AGBL4: variants seen among roughly 807,000 people sequenced by gnomAD.
AGBL4 encodes the protein AGBL carboxypeptidase 4, also known as cytosolic carboxypeptidase 6.
AGBL4 carries 58 observed loss-of-function variants against 66.4 expected under a neutral mutation model. That is an observed-to-expected ratio of 0.87 (90% CI 0.71 to 1.09). The LOEUF (loss-of-function observed/expected upper bound fraction) is 1.09. Ranked by LOEUF, AGBL4 falls within the 50% of genes least tolerant of loss-of-function variation. The probability of loss-of-function intolerance (pLI) is 0.00; values close to 1 mark genes in which losing one functional copy is unlikely to be tolerated. For synonymous variants in AGBL4, 234 were observed against 222.9 expected, an observed-to-expected ratio of 1.05 and a Z score of -0.44; for missense variants, 579 against 631.0, an observed-to-expected ratio of 0.92 and a Z score of 0.88.
intron 3 of AGBL4, among the ~76,000 whole-genome samples, chr1:49,541,521 C>T (rs564725870): frequency 6.6e-6 from 1 of 152,218 alleles, no homozygotes; most frequent in Non-Finnish European, 1.5e-5. Context: ...GCAGTGCCGG[C>T]CTGCCGGTGC....
chr1:49,473,124 T>C (rs561729075), intron 3 of AGBL4, among the ~76,000 whole-genome samples: 1 of 152,092 alleles, frequency 6.6e-6, no homozygotes, highest in East Asian at 1.9e-4. Flanking sequence ...TGCAAATGCA[T>C]GTATTTTTTG....
chr1:50,012,011 T>C (rs951887991), intron 1 of AGBL4, among the ~76,000 whole-genome samples: 4 of 151,478 alleles, frequency 2.6e-5, no homozygotes, highest in Non-Finnish European at 5.9e-5. Context: ...TACAAAAAAT[T>C]AGCCGGGCGC....
At chr1:49,555,439 G>C (rs1381867858) in intron 3 of AGBL4, among the ~76,000 whole-genome samples, 1 of 150,588 alleles carries the variant, frequency 6.6e-6, no homozygotes, top group Non-Finnish European at 1.5e-5. Flanking sequence ...AGCACTGATT[G>C]GTGTGTTTAC....
intron 3 of AGBL4, among the ~76,000 whole-genome samples, chr1:49,282,348 A>C (rs975079094): frequency 6.6e-6 from 1 of 152,210 alleles, no homozygotes; most frequent in African/African-American, 2.4e-5. Flanking sequence ...ATTTCTCTTC[A>C]ATGAGGCTCT....
intron 6 of AGBL4, among the ~76,000 whole-genome samples, chr1:48,805,148 T>G (rs1171310779): frequency 1.3e-5 from 2 of 152,162 alleles, no homozygotes; most frequent in Non-Finnish European, 2.9e-5. Context: ...CTCAAAGTAC[T>G]CACGATTTAG....
chr1:48,845,478 G>T (rs1466581844), intron 6 of AGBL4, among the ~76,000 whole-genome samples: 2 of 152,206 alleles, frequency 1.3e-5, no homozygotes, highest in African/African-American at 4.8e-5. Flanking sequence ...CACCACACTG[G>T]AAGATTTGAA....
intron 9 of AGBL4, among the ~76,000 whole-genome samples, chr1:48,609,894 G>A (rs1018443769): frequency 7.2e-5 from 11 of 152,096 alleles, no homozygotes; most frequent in Non-Finnish European, 1.3e-4. Context: ...TTCATTTTCT[G>A]TCCTCCGAGG....
chr1:48,857,658 T>C lies in AGBL4; in HGVS notation c.634+9533A>G, dbSNP rs546847675. Among the ~76,000 whole-genome samples the C allele has an allele frequency of 1.9e-3, 293 of 151,962 alleles. 5 individuals carry two copies. Among genetic ancestry groups the C allele is most frequent in the African/African-American group, 6.5e-3 (271 of 41,450 alleles). ...ATGGTGTGAACCCGGAAGGTGGAGC[T>C]TTCAGTGAGCCAAGATCGCACCGCT... On this transcript the variant is annotated intron_variant, in intron 6 of 13. Coordinates refer to ENST00000371839, the MANE Select transcript of AGBL4 (RefSeq NM_032785.4).
intron 2 of AGBL4, chr1:49,842,478 C>A (rs1344449223): frequency 3.1e-6 from 3 of 957,028 alleles, no homozygotes; most frequent in South Asian, 4.0e-5. Context: ...TTCTTCAGAG[C>A]AAATTTACTA....
At position 48,569,862 on chromosome 1, in the gene AGBL4, A is replaced by G. The variant is rs193182100; in HGVS notation, c.1267+17142T>C. 3.4e-3 allele frequency among the ~76,000 whole-genome samples: 519 copies of G among 152,304 alleles called. 2 individuals are homozygous for G. The highest frequency in any genetic ancestry group is 0.012 in the African/African-American group (498 of 41,550). On this transcript the variant is annotated intron_variant, in intron 11 of 13. Transcript: ENST00000371839. ...TCTTTTGGGGTTGTAGTAAAGATTC[A>G]TGCTAATATGTGCCATTTACCTAGA...
chr1:49,159,811 C>G (rs1180652197), intron 4 of AGBL4, among the ~76,000 whole-genome samples: 1 of 152,092 alleles, frequency 6.6e-6, no homozygotes, highest in Non-Finnish European at 1.5e-5. Flanking sequence ...TTTCATTAAG[C>G]TGATCTTCAA....
intron 11 of AGBL4, among the ~76,000 whole-genome samples, chr1:48,580,442 C>T (rs887284094): frequency 6.6e-6 from 1 of 152,204 alleles, no homozygotes; most frequent in Non-Finnish European, 1.5e-5. Context: ...CAGAAGTGAG[C>T]CAGACCCTAA....
intron 8 of AGBL4, among the ~76,000 whole-genome samples, chr1:48,650,951 C>T (rs1306194077): frequency 1.3e-5 from 2 of 152,212 alleles, no homozygotes; most frequent in African/African-American, 4.8e-5. Context: ...AATGCCTTGG[C>T]AAGTCTCACC....
Position 48,980,758 on chromosome 1 carries a change from T to C in AGBL4, c.594+64826A>G, listed in dbSNP as rs1193696831. 4.4e-5 allele frequency among the ~76,000 whole-genome samples: 2 copies of C among 45,898 alleles called. 1 individual carries two copies. Among genetic ancestry groups the C allele is most frequent in the African/African-American group, 1.8e-4 (2 of 11,424 alleles). The allele number at this position is 45,898 out of a possible 152,430, so 30.1% of individuals were successfully genotyped here. ...ATATATATATATATATATATATATA[T>C]ATATATATATATATATATATATAGT... is the stretch of plus-strand genomic sequence containing the variant. On this transcript the variant is annotated intron_variant, in intron 5 of 13. Transcript: ENST00000371839.
At chr1:49,849,286 G>A (rs1646240349) in intron 2 of AGBL4, among the ~76,000 whole-genome samples, 1 of 151,994 alleles carries the variant, frequency 6.6e-6, no homozygotes, top group South Asian at 2.1e-4. Context: ...AACTCAGGAT[G>A]TGGATGTGTG....
chr1:49,960,115 T>G (rs1293125339), intron 1 of AGBL4, among the ~76,000 whole-genome samples: 1 of 152,090 alleles, frequency 6.6e-6, no homozygotes, highest in South Asian at 2.1e-4. Flanking sequence ...CAAACCCCCA[T>G]GACCTGCAGT....
At chr1:48,889,464 A>G (rs1650698295) in intron 5 of AGBL4, among the ~76,000 whole-genome samples, 1 of 152,254 alleles carries the variant, frequency 6.6e-6, no homozygotes, top group African/African-American at 2.4e-5. Flanking sequence ...GATAGGCCAG[A>G]GCTTATTAGA....
chr1:49,736,091 A>C (rs889843443), intron 2 of AGBL4, among the ~76,000 whole-genome samples: 8 of 152,054 alleles, frequency 5.3e-5, no homozygotes, highest in Non-Finnish European at 1.0e-4. Context: ...TCAGAAGGAG[A>C]GGAAATAAAG....
intron 1 of AGBL4, among the ~76,000 whole-genome samples, chr1:49,991,504 C>T (rs1451192772): frequency 6.6e-6 from 1 of 152,198 alleles, no homozygotes; most frequent in South Asian, 2.1e-4. Context: ...ATTTTCATAT[C>T]CAACTTACTT....
Sources: gnomAD v4.1 joint callset for allele counts (sites outside exome capture counted in the v4.1 genomes callset) on GRCh38, gnomAD v4.1.1 for gene constraint, MANE v1.5 for transcripts, NCBI Gene and HGNC (gene_info 2026-07-23, HGNC 2026-07-21) for gene names.